The following TSPAN7 variants were observed in gnomAD, a reference collection of about 807,000 sequenced individuals.
The protein encoded by TSPAN7 is tetraspanin 7.
TSPAN7 carries 1 observed loss-of-function variant against 17.6 expected under a neutral mutation model. The ratio of observed to expected loss-of-function variants is 0.06; its 90% CI spans 0.02 to 0.27. TSPAN7 has a LOEUF of 0.27. Among genes scored for constraint, TSPAN7 ranks in the 10% least tolerant of loss-of-function variants. TSPAN7 has a pLI of 1.00. For missense variants in TSPAN7, 112 were observed against 201.7 expected (o/e 0.56, Z 2.69); for synonymous variants, 78 against 79.0 (o/e 0.99, Z 0.07).
At chrX:38,646,912 G>T (rs2069648515) in intron 1 of TSPAN7, among the ~76,000 whole-genome samples, 1 of 110,963 alleles carries the variant, frequency 9.0e-6, no homozygotes, top group African/African-American at 3.3e-5. Context: ...CCCTCACTGA[G>T]GTCAGAGCTT....
At chrX:38,680,345 T>A (rs2069881539) in intron 5 of TSPAN7, among the ~76,000 whole-genome samples, 1 of 110,939 alleles carries the variant, frequency 9.0e-6, no homozygotes, top group Non-Finnish European at 1.9e-5. Context: ...TAAAACTTAG[T>A]GTGCCATTCT....
chrX:38,578,007 G>A lies in TSPAN7; in HGVS notation c.81+16380G>A, dbSNP rs142460474. ...CCTGAAGAGTGGCTTTTCATAGTTGGGATGAGGCCTGGCTGAGTGGGTATG... is the reference window on the plus strand; with the variant it reads ...CCTGAAGAGTGGCTTTTCATAGTTGAGATGAGGCCTGGCTGAGTGGGTATG... On this transcript the variant is annotated intron_variant, in intron 1 of 7. Transcript: ENST00000378482. 8.6e-4 allele frequency among the ~76,000 whole-genome samples: 95 copies of A among 109,873 alleles called. 1 individual carries two copies. In the East Asian group the frequency reaches 0.028, roughly 32 times the overall value.
intron 1 of TSPAN7, among the ~76,000 whole-genome samples, chrX:38,579,590 A>AT (rs1490247905): frequency 4.5e-5 from 5 of 111,105 alleles, no homozygotes; most frequent in African/African-American, 1.6e-4. Flanking sequence ...AATAATAATA[A>AT]TAATAATGCA....
intron 1 of TSPAN7, among the ~76,000 whole-genome samples, chrX:38,636,072 TTTG>T (rs1246731959): frequency 1.1e-5 from 1 of 87,585 alleles, no homozygotes; most frequent in Non-Finnish European, 2.1e-5. Flanking sequence ...TTTTTTTCAT[TTTG>T]TTATTTATTT....
At chrX:38,671,334 T>C in intron 2 of TSPAN7, 42 bp from the exon 3 acceptor site, 3 of 1,182,564 alleles carry the variant, frequency 2.5e-6, no homozygotes, top group Non-Finnish European at 2.3e-6. Context: ...CTCTTCTTAA[T>C]CCTGATGTAT....
intron 1 of TSPAN7, among the ~76,000 whole-genome samples, chrX:38,580,798 A>G (rs977218470): frequency 3.6e-5 from 4 of 111,412 alleles, no homozygotes; most frequent in Non-Finnish European, 7.5e-5. Flanking sequence ...GTTTAAAGTG[A>G]GGTTTCAACT....
intron 1 of TSPAN7, among the ~76,000 whole-genome samples, chrX:38,637,094 C>G (rs2069585458): frequency 8.9e-6 from 1 of 112,009 alleles, no homozygotes; most frequent in South Asian, 3.7e-4. Context: ...ATTGTTACAT[C>G]CTGACTTTCT....
At chrX:38,626,620 G>A (rs2069524410) in intron 1 of TSPAN7, among the ~76,000 whole-genome samples, 1 of 111,233 alleles carries the variant, frequency 9.0e-6, no homozygotes, top group Non-Finnish European at 1.9e-5. Context: ...TTCCAGAGAG[G>A]GCTGGGAAGT....
chrX:38,670,631 C>G (rs1299383385), intron 2 of TSPAN7, among the ~76,000 whole-genome samples: 1 of 112,524 alleles, frequency 8.9e-6, no homozygotes, highest in Non-Finnish European at 1.9e-5. Flanking sequence ...TCATCTTGCA[C>G]ACGTTTGGCT....
chrX:38,651,110 C>A (rs2069673687), intron 1 of TSPAN7, among the ~76,000 whole-genome samples: 1 of 107,915 alleles, frequency 9.3e-6, no homozygotes, highest in Admixed American at 9.9e-5. Flanking sequence ...ATCTCTTTTT[C>A]AGGGAGCAGA....
chrX:38,609,434 C>T (rs762904239), intron 1 of TSPAN7, among the ~76,000 whole-genome samples: 1 of 110,952 alleles, frequency 9.0e-6, no homozygotes, highest in Non-Finnish European at 1.9e-5. Flanking sequence ...ACTATTTTTC[C>T]TCAAATACTA....
chrX:38,647,254 A>G (rs765112354), intron 1 of TSPAN7, among the ~76,000 whole-genome samples: 1 of 111,915 alleles, frequency 8.9e-6, no homozygotes, highest in South Asian at 3.7e-4. Context: ...TAATACATAA[A>G]CCCTCATGGT....
At chrX:38,577,890 T>G (rs191245881) in intron 1 of TSPAN7, among the ~76,000 whole-genome samples, 2 of 109,110 alleles carry the variant, frequency 1.8e-5, no homozygotes, top group Non-Finnish European at 1.9e-5. Context: ...ATGTGAGCGG[T>G]GAACAGCTGG....
At chrX:38,624,811 T>C (rs1246293266) in intron 1 of TSPAN7, among the ~76,000 whole-genome samples, 1 of 113,008 alleles carries the variant, frequency 8.8e-6, no homozygotes, top group Non-Finnish European at 1.9e-5. Flanking sequence ...GGAATATTCA[T>C]GCCTGGGTTT....
intron 1 of TSPAN7, among the ~76,000 whole-genome samples, chrX:38,650,085 G>C (rs950797836): frequency 4.5e-5 from 5 of 112,127 alleles, no homozygotes; most frequent in African/African-American, 1.3e-4. Flanking sequence ...AGTGTGCATA[G>C]ATAGAGAAGA....
intron 1 of TSPAN7, among the ~76,000 whole-genome samples, chrX:38,579,315 C>T (rs2069214405): frequency 9.0e-6 from 1 of 110,591 alleles, no homozygotes; most frequent in South Asian, 3.9e-4. Context: ...CATGGTGGCT[C>T]ACACCTGTAA....
intron 1 of TSPAN7, among the ~76,000 whole-genome samples, chrX:38,565,537 G>A (rs1355734806): frequency 8.9e-6 from 1 of 112,441 alleles, no homozygotes; most frequent in African/African-American, 3.2e-5. Context: ...CGACCTTGGT[G>A]TTCTTTAAAG....
chrX:38,680,341 T>A (rs1371076083), intron 5 of TSPAN7, among the ~76,000 whole-genome samples: 2 of 110,776 alleles, frequency 1.8e-5, no homozygotes, highest in Non-Finnish European at 3.8e-5. Flanking sequence ...TTATTAAAAC[T>A]TAGTGTGCCA....
chrX:38,562,410 T>C (rs2069116686), intron 1 of TSPAN7, among the ~76,000 whole-genome samples: 3 of 110,562 alleles, frequency 2.7e-5, no homozygotes, highest in Non-Finnish European at 5.7e-5. Flanking sequence ...GTGATAGAGA[T>C]AGCGCCCCAA....
Sources: allele counts gnomAD v4.1 joint callset (sites outside exome capture counted in the v4.1 genomes callset), GRCh38; gene constraint gnomAD v4.1.1; transcripts MANE v1.5; gene names NCBI Gene and HGNC (gene_info 2026-07-23, HGNC 2026-07-21).